PRKAR1A: variants seen among roughly 807,000 people sequenced by gnomAD.
PRKAR1A encodes the protein protein kinase cAMP-dependent type I regulatory subunit alpha, also known as cAMP-dependent protein kinase type I-alpha regulatory subunit.
PRKAR1A carries 3 observed loss-of-function variants against 52.0 expected under a neutral mutation model. The ratio of observed to expected loss-of-function variants is 0.06; its 90% CI spans 0.03 to 0.15. PRKAR1A has a LOEUF of 0.15. Ranked by LOEUF, PRKAR1A falls within the 10% of genes least tolerant of loss-of-function variation. The pLI is 1.00. For missense variants in PRKAR1A, 240 were observed against 477.4 expected (o/e 0.50, Z 4.63); for synonymous variants, 188 against 168.4 (o/e 1.12, Z -0.90).
chr17:68,505,263 C>G, the PRKAR1A span, among the ~76,000 whole-genome samples: 17,728 of 152,128 alleles, frequency 0.12, 1,045 homozygotes, highest in Middle Eastern at 0.16. Flanking sequence ...TGCACTCCAG[C>G]TTAGGTGGCA....
the PRKAR1A span, among the ~76,000 whole-genome samples, chr17:68,489,121 G>A: frequency 7.1e-6 from 1 of 139,948 alleles, no homozygotes; most frequent in African/African-American, 2.7e-5. Context: ...AAAGATTTAG[G>A]TAGCTTTCCT....
chr17:68,527,959 G>A, intron 8 of PRKAR1A, 59 bp downstream of exon 8: 1 of 1,439,834 alleles, frequency 6.9e-7, no homozygotes, highest in Middle Eastern at 1.7e-4. Context: ...ATTAGAATTG[G>A]ATGGACTTGG....
chr17:68,487,104 C>T, the PRKAR1A span, among the ~76,000 whole-genome samples: 1 of 152,110 alleles, frequency 6.6e-6, no homozygotes, highest in Admixed American at 6.5e-5. Flanking sequence ...GAACTCCTGA[C>T]CTCGTGATCC....
chr17:68,424,259 T>C, the PRKAR1A span, among the ~76,000 whole-genome samples: 1 of 152,164 alleles, frequency 6.6e-6, no homozygotes, highest in Admixed American at 6.5e-5. Flanking sequence ...AACCTGCCTA[T>C]TGAAAGCCAG....
chr17:68,520,508 T>C (rs1188140845), intron 2 of PRKAR1A, among the ~76,000 whole-genome samples: 4 of 152,218 alleles, frequency 2.6e-5, no homozygotes, highest in Non-Finnish European at 5.9e-5. Flanking sequence ...GGAGTACATG[T>C]GATATTTTAC....
At chr17:68,536,942 G>A (rs1264403829), downstream of PRKAR1A, 4 of 454,254 alleles carry the variant, frequency 8.8e-6, no homozygotes, top group Non-Finnish European at 1.3e-5. Context: ...ATTCAGATGG[G>A]TCCAGTGACT....
the PRKAR1A span, among the ~76,000 whole-genome samples, chr17:68,491,351 CA>C: frequency 6.6e-6 from 1 of 152,192 alleles, no homozygotes; most frequent in Non-Finnish European, 1.5e-5. Flanking sequence ...TTCAACCTCC[CA>C]AAGTGCTGGG....
chr17:68,421,651 A>G, the PRKAR1A span: 1 of 1,400,412 alleles, frequency 7.1e-7, no homozygotes, highest in Non-Finnish European at 1.0e-6. Flanking sequence ...TAAGCAGTGG[A>G]GCACCCGGGA....
intron 11 of PRKAR1A, among the ~76,000 whole-genome samples, chr17:68,543,159 C>T (rs2086385927): frequency 6.6e-6 from 1 of 152,112 alleles, no homozygotes; most frequent in Non-Finnish European, 1.5e-5. Flanking sequence ...TTGAGTGGTT[C>T]TAGGGTGGGG....
At chr17:68,446,236 A>G in the PRKAR1A span, among the ~76,000 whole-genome samples, 1 of 151,760 alleles carries the variant, frequency 6.6e-6, no homozygotes, top group Non-Finnish European at 1.5e-5. Flanking sequence ...GCTGCAGTGC[A>G]GTGGCAGGAT....
upstream of PRKAR1A, among the ~76,000 whole-genome samples, chr17:68,509,683 C>T (rs1568682803): frequency 6.6e-6 from 1 of 152,200 alleles, no homozygotes; most frequent in Admixed American, 6.5e-5. Context: ...CACAGTGGCA[C>T]TGAAAGAACA....
At chr17:68,493,118 T>C in the PRKAR1A span, among the ~76,000 whole-genome samples, 3 of 150,412 alleles carry the variant, frequency 2.0e-5, no homozygotes, top group Admixed American at 1.3e-4. Flanking sequence ...ATAACACACA[T>C]TGGGGCCTGT....
the PRKAR1A span, chr17:68,434,575 A>G: frequency 6.2e-7 from 1 of 1,613,968 alleles, no homozygotes; most frequent in African/African-American, 1.3e-5. Flanking sequence ...CCTCTCCGGA[A>G]CTCATAGAGC....
At chr17:68,529,550 G>T (rs1216716519) in intron 9 of PRKAR1A, among the ~76,000 whole-genome samples, 1 of 152,144 alleles carries the variant, frequency 6.6e-6, no homozygotes, top group Non-Finnish European at 1.5e-5. Context: ...TGGACCATAG[G>T]GTTTCATTCG....
the PRKAR1A span, among the ~76,000 whole-genome samples, chr17:68,480,287 C>A: frequency 6.6e-6 from 1 of 152,132 alleles, no homozygotes; most frequent in African/African-American, 2.4e-5. Context: ...CTATTGCGAA[C>A]TCATCTTCTG....
chr17:68,501,654 C>T, the PRKAR1A span, among the ~76,000 whole-genome samples: 2 of 152,158 alleles, frequency 1.3e-5, no homozygotes, highest in Non-Finnish European at 2.9e-5. Context: ...AGGGACATCT[C>T]ACTATCTTGC....
chr17:68,540,152 C>T (rs1221304637), intron 11 of PRKAR1A, among the ~76,000 whole-genome samples: 2 of 152,164 alleles, frequency 1.3e-5, no homozygotes, highest in Non-Finnish European at 2.9e-5. Context: ...GAGAAGGAAG[C>T]GAAACAAGCA....
chr17:68,549,213 G>A (rs1042574227), intron 11 of PRKAR1A, among the ~76,000 whole-genome samples: 5 of 152,038 alleles, frequency 3.3e-5, no homozygotes, highest in Non-Finnish European at 5.9e-5. Context: ...AAAGGCATCC[G>A]GCCAGGTGCA....
At chr17:68,441,602 T>C in the PRKAR1A span, among the ~76,000 whole-genome samples, 1 of 152,182 alleles carries the variant, frequency 6.6e-6, no homozygotes, top group Non-Finnish European at 1.5e-5. Flanking sequence ...GACCTGGTCA[T>C]GTCACTGAAG....
Sources: allele counts gnomAD v4.1 joint callset (sites outside exome capture counted in the v4.1 genomes callset), GRCh38; gene constraint gnomAD v4.1.1; transcripts MANE v1.5; gene names NCBI Gene and HGNC (gene_info 2026-07-23, HGNC 2026-07-21).